The following PSMB3 variants were observed in gnomAD, a reference collection of about 807,000 sequenced individuals.
PSMB3 encodes proteasome subunit beta type-3.
A neutral mutation model predicts 23.3 loss-of-function variants in PSMB3; 5 were observed. The observed-to-expected ratio is 0.21, with a 90% confidence interval of 0.11 to 0.45. The LOEUF is 0.45. PSMB3 is among the 20% of genes least tolerant of loss of function. The probability of loss-of-function intolerance (pLI) is 0.99; values close to 1 mark genes in which losing one functional copy is unlikely to be tolerated. For synonymous variants in PSMB3, 85 were observed against 99.8 expected, an observed-to-expected ratio of 0.85 and a Z score of 0.88; for missense variants, 192 against 277.9, an observed-to-expected ratio of 0.69 and a Z score of 2.20.
In PSMB3 at chr17:38,764,186, C is replaced by CT. The variant is rs762962200; in HGVS notation, c.*27dup. The CT allele has an allele frequency of 1.0e-5, 16 of 1,607,724 alleles. No individual in the cohort carries two copies. The highest frequency in any genetic ancestry group is 5.1e-5 in the Admixed American group (3 of 59,106). On this transcript the variant is annotated 3_prime_UTR_variant, in exon 6 of 6. Coordinates refer to ENST00000619426, the MANE Select transcript of PSMB3 (RefSeq NM_002795.4). Reference sequence around the variant, plus strand: ...GGACTAACCCTGTTCCCAGAGCCCACTTTTTTTTCTTTTTTTGAAATAAAA... The same window carrying CT: ...GGACTAACCCTGTTCCCAGAGCCCACTTTTTTTTTCTTTTTTTGAAATAAAA...
intron 3 of PSMB3, among the ~76,000 whole-genome samples, chr17:38,758,379 G>A (rs1054310571): frequency 3.3e-5 from 5 of 149,688 alleles, no homozygotes; most frequent in African/African-American, 7.4e-5. Context: ...TCACTCTTTC[G>A]CCCAGGCTGG....
chr17:38,753,637 C>A (rs1908037626), intron 2 of PSMB3, among the ~76,000 whole-genome samples: 1 of 152,254 alleles, frequency 6.6e-6, no homozygotes, highest in East Asian at 1.9e-4. Context: ...CACCACCATG[C>A]CTGGCTAATT....
intron 3 of PSMB3, among the ~76,000 whole-genome samples, chr17:38,756,811 T>C (rs915720002): frequency 2.0e-5 from 3 of 151,938 alleles, no homozygotes; most frequent in African/African-American, 7.2e-5. Context: ...TTTTTTTTCT[T>C]TTCTTTTAAC....
chr17:38,760,126 C>G lies in PSMB3; in HGVS notation c.297-305C>G, dbSNP rs543402127. ...ATAGAGGACTGAGTGATGGTAGGAC[C>G]TTGGGTGAGGAGAGGGAGGATTAGA... On this transcript the variant is annotated intron_variant, in intron 3 of 5. Coordinates refer to ENST00000619426, the MANE Select transcript of PSMB3 (RefSeq NM_002795.4). Among the ~76,000 whole-genome samples, 3 of 152,118 alleles carry G rather than the reference C, an allele frequency of 2.0e-5. No homozygotes were observed. In the East Asian group the frequency reaches 5.8e-4, roughly 29 times the overall value.
intron 2 of PSMB3, chr17:38,755,178 G>A (rs1442516496): frequency 6.6e-6 from 1 of 152,116 alleles, no homozygotes; most frequent in African/African-American, 2.4e-5. Flanking sequence ...GTTTCGCTAT[G>A]TTGCCCACAG....
intron 3 of PSMB3, 67 bp downstream of exon 3, chr17:38,756,057 T>C: frequency 8.0e-7 from 1 of 1,253,012 alleles, no homozygotes; most frequent in Non-Finnish European, 1.2e-6. Flanking sequence ...GAGTAGGTAC[T>C]GAGGAAGAGG....
chr17:38,757,691 G>A (rs567947466), intron 3 of PSMB3, among the ~76,000 whole-genome samples: 49 of 152,248 alleles, frequency 3.2e-4, no homozygotes, highest in African/African-American at 1.1e-3. Context: ...GGCACACACC[G>A]GTAATCCCAG....
intron 2 of PSMB3, among the ~76,000 whole-genome samples, chr17:38,755,646 TAAA>T (rs66894167): frequency 0.019 from 1,261 of 66,394 alleles, 26 homozygotes; most frequent in Admixed American, 0.057. Flanking sequence ...AGACTCCGTC[TAAA>T]AAAAAAAAAA....
At chr17:38,763,497 C>CTTTTTTTTT (rs67563765) in intron 5 of PSMB3, among the ~76,000 whole-genome samples, 1 of 76,060 alleles carries the variant, frequency 1.3e-5, no homozygotes, top group African/African-American at 5.1e-5. Flanking sequence ...CTTCTTCCCC[C>CTTTTTTTTT]TTTTTTTTTT....
chr17:38,753,174 G>T lies in PSMB3; in HGVS notation c.28G>T (p.Ala10Ser). 1 of 1,614,156 alleles carries T rather than the reference G, an allele frequency of 6.2e-7. No homozygotes were observed. Among genetic ancestry groups the T allele is most frequent in the Non-Finnish European group, 8.5e-7 (1 of 1,180,008 alleles). The change falls in exon 2 of 6, where the codon GCC (alanine) becomes TCC (serine). Residue 10 changes from alanine (A) to serine (S), a missense_variant. Transcript: ENST00000619426. ...GTCTATTATGTCCTATAACGGAGGG[G>T]CCGTCATGGCCATGAAGGGGAAGAA... The part of the protein sequence containing the change: MSIMSYNGG[A>S]VMAMKGKNCV...
intron 5 of PSMB3, 72 bp from the exon 6 acceptor site, chr17:38,764,047 G>A: frequency 6.3e-7 from 1 of 1,586,842 alleles, no homozygotes; most frequent in Non-Finnish European, 8.6e-7. Flanking sequence ...TGGTGCTGAG[G>A]GCCAGGAGAG....
Position 38,761,626 on chromosome 17 carries a change from G to A in PSMB3, c.475-785G>A, listed in dbSNP as rs541248939. ...AAAGGGTCTGGGGGCAAAGGTACAG[G>A]AAGGGGCAGGTATGCTCAGTGACTG... On this transcript the variant is annotated intron_variant, in intron 4 of 5. Coordinates refer to ENST00000619426, the MANE Select transcript of PSMB3 (RefSeq NM_002795.4). 7.2e-5 allele frequency among the ~76,000 whole-genome samples: 11 copies of A among 152,292 alleles called. No individual in the cohort carries two copies. In the South Asian group the frequency reaches 2.3e-3, roughly 32 times the overall value.
chr17:38,755,682 A>G (rs12940650), intron 2 of PSMB3, among the ~76,000 whole-genome samples: 47,219 of 88,950 alleles, frequency 0.53, 11,134 homozygotes, highest in East Asian at 0.63. Context: ...ATATATATAT[A>G]TGTGTGTGTG....
chr17:38,756,570 A>G (rs1908205801), intron 3 of PSMB3, among the ~76,000 whole-genome samples: 1 of 151,814 alleles, frequency 6.6e-6, no homozygotes, highest in Admixed American at 6.6e-5. Context: ...ATCTCGGCTC[A>G]CTGCAACCTC....
intron 2 of PSMB3, among the ~76,000 whole-genome samples, chr17:38,755,657 AAAATAT>A (rs1412967581): frequency 1.7e-4 from 13 of 74,752 alleles, no homozygotes; most frequent in African/African-American, 2.8e-4. Flanking sequence ...AAAAAAAAAA[AAAATAT>A]ATATATATAT....
At position 38,754,735 on chromosome 17, in the gene PSMB3, C is replaced by T. The variant is rs1908080816; in HGVS notation, c.189-1148C>T. ...TTTGCTTCCTTCTGGGCAATGACTG[C>T]TCATTTCACTAGGCCTCAGTTTCCT... On this transcript the variant is annotated intron_variant, in intron 2 of 5. Coordinates refer to ENST00000619426, the MANE Select transcript of PSMB3 (RefSeq NM_002795.4). Among the ~76,000 whole-genome samples the T allele has an allele frequency of 1.3e-5, 2 of 152,152 alleles. 1 individual carries two copies. The highest frequency in any genetic ancestry group is 4.1e-4 in the South Asian group (2 of 4,826).
chr17:38,755,662 ATATATAT>A (rs1567643317), intron 2 of PSMB3, among the ~76,000 whole-genome samples: 2 of 74,112 alleles, frequency 2.7e-5, no homozygotes. Flanking sequence ...AAAAAAAAAT[ATATATAT>A]ATATATATAT....
Position 38,762,503 on chromosome 17 carries a change from C to T in PSMB3, c.567C>T (p.Ile189=). ...AVSGMGVIVH[I]IEKDKITTRT... ...CAGGCATGGGAGTCATTGTCCACAT[C>T]ATGTGAGTATGGGCTGGGAGAAGTC... Residue 189 remains isoleucine (I), a splice_region_variant and synonymous_variant, in exon 5 of 6, where the codon ATC becomes ATT. Coordinates refer to ENST00000619426, the MANE Select transcript of PSMB3 (RefSeq NM_002795.4). 1.9e-6 allele frequency: 3 copies of T among 1,613,300 alleles called. No homozygotes were observed. The highest frequency in any genetic ancestry group is 2.5e-6 in the Non-Finnish European group (3 of 1,179,220).
Position 38,755,911 on chromosome 17 carries a change from C to G in PSMB3, c.217C>G (p.Leu73Val), listed in dbSNP as rs146759507. ...CCAGCGCCTCAAGTTCCGGCTGAAC[C>G]TGTATGAGTTGAAGGAAGGTCGGCA... ...VAQRLKFRLN[L>V]YELKEGRQIK... The change falls in exon 3 of 6, where the codon CTG becomes GTG. Residue 73 changes from leucine (L) to valine (V), a missense_variant. Coordinates refer to ENST00000619426, the MANE Select transcript of PSMB3 (RefSeq NM_002795.4). 3.7e-6 allele frequency: 6 copies of G among 1,614,038 alleles called. No homozygotes were observed. Among genetic ancestry groups the G allele is most frequent in the Non-Finnish European group, 5.1e-6 (6 of 1,180,012 alleles).
Sources: gnomAD v4.1 joint callset for allele counts (sites outside exome capture counted in the v4.1 genomes callset) on GRCh38, gnomAD v4.1.1 for gene constraint, MANE v1.5 for transcripts, NCBI Gene and HGNC (gene_info 2026-07-23, HGNC 2026-07-21) for gene names.